DAPP1: variants seen among roughly 807,000 people sequenced by gnomAD.
DAPP1 encodes dual adapter for phosphotyrosine and 3-phosphotyrosine and 3-phosphoinositide.
A neutral mutation model predicts 41.5 loss-of-function variants in DAPP1; 20 were observed. That is an observed-to-expected ratio of 0.48 (90% CI 0.34 to 0.70). The LOEUF is 0.70. Among genes scored for constraint, DAPP1 ranks in the 30% least tolerant of loss-of-function variants. The probability of loss-of-function intolerance (pLI) is 0.01; values close to 1 mark genes in which losing one functional copy is unlikely to be tolerated. For synonymous variants in DAPP1, 113 were observed against 116.2 expected (o/e 0.97, Z 0.18); for missense variants, 233 against 333.4 (o/e 0.70, Z 2.35).
At chr4:99,837,534 C>T (rs915640286) in intron 2 of DAPP1, among the ~76,000 whole-genome samples, 1 of 152,030 alleles carries the variant, frequency 6.6e-6, no homozygotes, top group African/African-American at 2.4e-5. Flanking sequence ...AATTATTAAT[C>T]CAAGATGGAA....
chr4:99,863,702 A>G, intron 6 of DAPP1, 68 bp from the exon 7 acceptor site: 2 of 995,040 alleles, frequency 2.0e-6, no homozygotes. Flanking sequence ...GGAATAAGTG[A>G]GGGACAGATT....
intron 3 of DAPP1, among the ~76,000 whole-genome samples, chr4:99,851,089 A>G (rs1002800581): frequency 6.6e-6 from 1 of 152,156 alleles, no homozygotes; most frequent in African/African-American, 2.4e-5. Flanking sequence ...TGAATTTACC[A>G]TGCATCTACA....
At chr4:99,836,619 A>G (rs971385426) in intron 2 of DAPP1, among the ~76,000 whole-genome samples, 1 of 152,148 alleles carries the variant, frequency 6.6e-6, no homozygotes, top group African/African-American at 2.4e-5. Context: ...GCAGTTCCTC[A>G]AGCTAATCTG....
chr4:99,817,302 G>A (rs1296873230), intron 1 of DAPP1, among the ~76,000 whole-genome samples: 6 of 152,172 alleles, frequency 3.9e-5, no homozygotes, highest in African/African-American at 1.2e-4. Flanking sequence ...GGACAGAATT[G>A]GGATATAGAG....
chr4:99,851,181 G>A (rs1486069241), intron 3 of DAPP1, among the ~76,000 whole-genome samples: 1 of 152,208 alleles, frequency 6.6e-6, no homozygotes, highest in Admixed American at 6.5e-5. Flanking sequence ...CATTCTGACT[G>A]TAAAACTGTA....
intron 3 of DAPP1, among the ~76,000 whole-genome samples, chr4:99,845,932 A>G (rs1430062034): frequency 6.6e-6 from 1 of 152,224 alleles, no homozygotes; most frequent in Non-Finnish European, 1.5e-5. Flanking sequence ...AAATGACAGC[A>G]GGAACAAAGT....
intron 4 of DAPP1, among the ~76,000 whole-genome samples, chr4:99,858,166 C>T (rs867321929): frequency 6.6e-6 from 1 of 152,212 alleles, no homozygotes; most frequent in Non-Finnish European, 1.5e-5. Context: ...CTAGTTTTCT[C>T]AGTAAGTTCC....
chr4:99,849,156 T>C (rs1245854103), intron 3 of DAPP1, among the ~76,000 whole-genome samples: 1 of 152,240 alleles, frequency 6.6e-6, no homozygotes, highest in Non-Finnish European at 1.5e-5. Flanking sequence ...CAGTCAGTTT[T>C]ACTCTCTTGG....
Position 99,866,535 on chromosome 4 carries a change from A to G in DAPP1, c.774+414A>G, listed in dbSNP as rs575904490. The G allele has an allele frequency of 3.4e-4, 257 of 765,386 alleles. 8 individuals carry two copies. In the Middle Eastern group the frequency reaches 0.02, roughly 59 times the overall value. The allele number at this position is 765,386 out of a possible 1,614,324, so 47.4% of individuals were successfully genotyped here. A position where few individuals can be genotyped will look rare whatever the true frequency, so the allele number is the denominator to read the frequency against. ...CCAGAGGCACTTAGCTTAGTTTCCA[A>G]TGTAAGCATCACTTTGTGCAGGTCA... On this transcript the variant is annotated intron_variant, in intron 8 of 8. Transcript: ENST00000512369.
At chr4:99,827,796 T>A (rs894510616) in intron 1 of DAPP1, among the ~76,000 whole-genome samples, 1 of 152,142 alleles carries the variant, frequency 6.6e-6, no homozygotes, top group Non-Finnish European at 1.5e-5. Flanking sequence ...GGTTTTCAGA[T>A]GAGATGAGTT....
At chr4:99,847,429 C>A (rs1723703899) in intron 3 of DAPP1, among the ~76,000 whole-genome samples, 1 of 152,120 alleles carries the variant, frequency 6.6e-6, no homozygotes, top group African/African-American at 2.4e-5. Context: ...CTGTAAGTTA[C>A]CATTCAGTCA....
chr4:99,851,399 C>A (rs529054231), intron 3 of DAPP1, among the ~76,000 whole-genome samples: 1 of 152,174 alleles, frequency 6.6e-6, no homozygotes, highest in African/African-American at 2.4e-5. Context: ...CAGACACCCT[C>A]TTCTGGCTTT....
At chr4:99,825,476 A>G (rs1722908401) in intron 1 of DAPP1, among the ~76,000 whole-genome samples, 1 of 151,876 alleles carries the variant, frequency 6.6e-6, no homozygotes, top group African/African-American at 2.4e-5. Flanking sequence ...CCTGCCTTTA[A>G]CTCACAGATC....
chr4:99,837,011 C>G (rs1723324070), intron 2 of DAPP1, among the ~76,000 whole-genome samples: 1 of 152,208 alleles, frequency 6.6e-6, no homozygotes. Flanking sequence ...CCATTCTCAA[C>G]TCCTAGACGC....
rs1724598999 is a variant in DAPP1, at chr4:99,870,142, A to C, written c.*1957A>C. On this transcript the variant is annotated 3_prime_UTR_variant, in exon 9 of 9. Transcript: ENST00000512369. ...ATTAAAAAGCATGATTTTGCTGTGC[A>C]TGTACCATTTTGCTATTAAAATTTA... 1 of 152,116 alleles carries C rather than the reference A, an allele frequency of 6.6e-6. No individual in the cohort carries two copies. The highest frequency in any genetic ancestry group is 2.1e-4 in the South Asian group (1 of 4,830). 9.4% of individuals were successfully genotyped at this position (152,116 alleles called of 1,614,324 possible).
intron 2 of DAPP1, among the ~76,000 whole-genome samples, chr4:99,836,488 G>C (rs1729348322): frequency 1.3e-5 from 2 of 152,168 alleles, no homozygotes; most frequent in Admixed American, 1.3e-4. Flanking sequence ...GATTAGGCAG[G>C]GGATGTAAGG....
chr4:99,841,064 A>G (rs1162434550), intron 3 of DAPP1, among the ~76,000 whole-genome samples: 1 of 152,240 alleles, frequency 6.6e-6, no homozygotes, highest in African/African-American at 2.4e-5. Context: ...TTAATGAAGT[A>G]AAATATCATC....
intron 4 of DAPP1, among the ~76,000 whole-genome samples, chr4:99,855,095 G>A (rs2017707): frequency 0.28 from 42,202 of 152,148 alleles, 6,445 homozygotes; most frequent in African/African-American, 0.4. Context: ...ATTTAGGAGT[G>A]CAAGACAATA....
intron 6 of DAPP1, among the ~76,000 whole-genome samples, chr4:99,863,360 C>T (rs1724307917): frequency 6.6e-6 from 1 of 152,156 alleles, no homozygotes; most frequent in Non-Finnish European, 1.5e-5. Flanking sequence ...TATTAACTGT[C>T]TCTTTGCAGC....
Sources: gnomAD v4.1 joint callset for allele counts (sites outside exome capture counted in the v4.1 genomes callset) on GRCh38, gnomAD v4.1.1 for gene constraint, MANE v1.5 for transcripts, NCBI Gene and HGNC (gene_info 2026-07-23, HGNC 2026-07-21) for gene names.